Variants in SMG6 observed in about 807,000 individuals in gnomAD.
The protein encoded by SMG6 is telomerase-binding protein EST1A.
SMG6 carries 66 observed loss-of-function variants against 142.2 expected under a neutral mutation model. The observed-to-expected ratio is 0.46, with a 90% CI of 0.38 to 0.57. SMG6 has a LOEUF of 0.57. Among genes scored for constraint, SMG6 ranks in the 20% least tolerant of loss-of-function variants. The pLI is 0.00. For synonymous variants in SMG6, 779 were observed against 702.4 expected, an observed-to-expected ratio of 1.11 and a Z score of -1.72; for missense variants, 1,793 against 1,832.0, an observed-to-expected ratio of 0.98 and a Z score of 0.39.
intron 13 of SMG6, among the ~76,000 whole-genome samples, chr17:2,102,662 C>T (rs143539979): frequency 3.2e-4 from 48 of 150,900 alleles, no homozygotes; most frequent in Admixed American, 1.5e-3. Flanking sequence ...TGAGTGACCA[C>T]GTCTGACCTC....
At chr17:2,080,326 G>C (rs1203871859) in intron 15 of SMG6, among the ~76,000 whole-genome samples, 3 of 152,014 alleles carry the variant, frequency 2.0e-5, no homozygotes, top group Non-Finnish European at 4.4e-5. Context: ...GCTGAGGCAA[G>C]AGAATCGCTG....
intron 8 of SMG6, among the ~76,000 whole-genome samples, chr17:2,281,162 C>T (rs770391491): frequency 7.9e-5 from 12 of 152,206 alleles, no homozygotes; most frequent in Admixed American, 3.3e-4. Flanking sequence ...TTTTTTGAGA[C>T]AGGGTCTTGC....
At chr17:2,246,643 T>G (rs1391373702) in intron 8 of SMG6, among the ~76,000 whole-genome samples, 1 of 152,142 alleles carries the variant, frequency 6.6e-6, no homozygotes, top group Non-Finnish European at 1.5e-5. Context: ...GGACACTGGG[T>G]TCCATCAACA....
chr17:2,081,800 C>A lies in SMG6; in HGVS notation c.3681+10G>T, dbSNP rs1414510182. ...CATAGTGGGAACCACGCTCCCCAGG[C>A]CGACTTCACCTGGATCTTTTCCTGG... On this transcript the variant is annotated intron_variant, in intron 15 of 18. Transcript: ENST00000263073. 1 of 1,612,458 alleles carries A rather than the reference C, an allele frequency of 6.2e-7. No homozygotes were observed. The highest frequency in any genetic ancestry group is 1.7e-5 in the Admixed American group (1 of 60,034).
At chr17:2,095,880 G>A (rs1374632024) in intron 13 of SMG6, among the ~76,000 whole-genome samples, 2 of 121,780 alleles carry the variant, frequency 1.6e-5, no homozygotes, top group Admixed American at 1.2e-4. Context: ...TGGCACTTGT[G>A]GCTATTATTC....
chr17:2,186,152 G>A (rs1435114354), intron 12 of SMG6, among the ~76,000 whole-genome samples: 1 of 151,932 alleles, frequency 6.6e-6, no homozygotes, highest in Admixed American at 6.6e-5. Context: ...CACATGAGCT[G>A]GGAGGTGGAG....
intron 10 of SMG6, among the ~76,000 whole-genome samples, chr17:2,230,441 T>C (rs1469031997): frequency 6.6e-6 from 1 of 151,428 alleles, no homozygotes; most frequent in South Asian, 2.1e-4. Context: ...AAAGCAGCCA[T>C]GGACACCAAA....
At chr17:2,209,748 C>T (rs950677761) in intron 10 of SMG6, among the ~76,000 whole-genome samples, 2 of 152,192 alleles carry the variant, frequency 1.3e-5, no homozygotes, top group African/African-American at 4.8e-5. Context: ...GACCCACCTG[C>T]CTTAGCCTCC....
intron 14 of SMG6, among the ~76,000 whole-genome samples, chr17:2,084,692 T>G (rs1005560832): frequency 6.6e-6 from 1 of 152,242 alleles, no homozygotes; most frequent in Admixed American, 6.5e-5. Context: ...TGTTGGCCTA[T>G]GGGTGACCTG....
At chr17:2,169,209 C>T (rs1027837668) in intron 13 of SMG6, among the ~76,000 whole-genome samples, 3 of 151,756 alleles carry the variant, frequency 2.0e-5, no homozygotes, top group Admixed American at 6.6e-5. Context: ...AAAGAGGTCC[C>T]GCAGAGGCGG....
At chr17:2,127,839 C>A (rs2069951688) in intron 13 of SMG6, 1 of 552,062 alleles carries the variant, frequency 1.8e-6, no homozygotes, top group African/African-American at 1.9e-5. Flanking sequence ...CAGTCTGAGA[C>A]ATTATTTGCT....
At chr17:2,193,936 T>C (rs2072240574) in intron 10 of SMG6, among the ~76,000 whole-genome samples, 2 of 152,218 alleles carry the variant, frequency 1.3e-5, no homozygotes, top group South Asian at 4.1e-4. Context: ...GTTCAAGCGA[T>C]TCTTCCGCCT....
At chr17:2,258,692 A>G (rs2074247924) in intron 8 of SMG6, among the ~76,000 whole-genome samples, 1 of 150,894 alleles carries the variant, frequency 6.6e-6, no homozygotes, top group African/African-American at 2.4e-5. Flanking sequence ...CAGCTACTCT[A>G]TGGGCTGAGT....
chr17:2,076,925 G>C (rs1239691811), intron 15 of SMG6, among the ~76,000 whole-genome samples: 3 of 152,184 alleles, frequency 2.0e-5, no homozygotes, highest in Non-Finnish European at 4.4e-5. Context: ...CAGGCAGCCT[G>C]GACAGGGCCC....
chr17:2,150,284 C>G (rs2070787523), intron 13 of SMG6, among the ~76,000 whole-genome samples: 1 of 152,222 alleles, frequency 6.6e-6, no homozygotes, highest in African/African-American at 2.4e-5. Context: ...CAGTTTCATC[C>G]TGAAACCACC....
chr17:2,212,326 CAT>C (rs1211028011), intron 10 of SMG6, among the ~76,000 whole-genome samples: 1 of 152,072 alleles, frequency 6.6e-6, no homozygotes, highest in East Asian at 1.9e-4. Flanking sequence ...GTGAGACAGA[CAT>C]ACGAGGAAAA....
At chr17:2,120,558 A>G (rs1202562070) in intron 13 of SMG6, among the ~76,000 whole-genome samples, 3 of 152,204 alleles carry the variant, frequency 2.0e-5, no homozygotes, top group Non-Finnish European at 2.9e-5. Flanking sequence ...TGTCTCTACA[A>G]AAAATTGTAA....
intron 15 of SMG6, among the ~76,000 whole-genome samples, chr17:2,074,095 G>A (rs1351222041): frequency 1.1e-4 from 17 of 152,118 alleles, no homozygotes; most frequent in Admixed American, 1.1e-3. Context: ...AAAAAAGAGA[G>A]AGAGAGAGTC....
At chr17:2,219,250 T>G (rs2073104878) in intron 10 of SMG6, among the ~76,000 whole-genome samples, 1 of 151,986 alleles carries the variant, frequency 6.6e-6, no homozygotes, top group South Asian at 2.1e-4. Context: ...CCACGCGTGG[T>G]GGCGGGCACC....
Sources: allele counts gnomAD v4.1 joint callset (sites outside exome capture counted in the v4.1 genomes callset), GRCh38; gene constraint gnomAD v4.1.1; transcripts MANE v1.5; gene names NCBI Gene and HGNC (gene_info 2026-07-23, HGNC 2026-07-21).